Variants in MMP16 observed in about 807,000 individuals in gnomAD.
The protein encoded by MMP16 is matrix metallopeptidase 16, also known as matrix metalloproteinase-16.
In MMP16, 12 loss-of-function variants were observed where a neutral mutation model predicts 67.8. The ratio of observed to expected loss-of-function variants is 0.18; its 90% CI spans 0.11 to 0.29. The LOEUF (loss-of-function observed/expected upper bound fraction) is 0.29, where lower values mean the gene tolerates loss of function less well. MMP16 is among the 10% of genes least tolerant of loss of function. MMP16 has a pLI of 1.00. For missense variants in MMP16, 475 were observed against 765.7 expected, an observed-to-expected ratio of 0.62 and a Z score of 4.48; for synonymous variants, 249 against 255.9, an observed-to-expected ratio of 0.97 and a Z score of 0.26.
At chr8:88,216,746 T>A (rs1203240093) in intron 1 of MMP16, among the ~76,000 whole-genome samples, 1 of 152,138 alleles carries the variant, frequency 6.6e-6, no homozygotes, top group Non-Finnish European at 1.5e-5. Context: ...GCTGGATGCA[T>A]CTATCAGATG....
intron 6 of MMP16, among the ~76,000 whole-genome samples, chr8:88,113,849 C>A (rs182219218): frequency 2.6e-5 from 4 of 152,040 alleles, no homozygotes; most frequent in Non-Finnish European, 4.4e-5. Flanking sequence ...ATAGCCAGTG[C>A]CTAAAATAAT....
chr8:88,120,013 G>A (rs1807792081), intron 4 of MMP16, among the ~76,000 whole-genome samples: 1 of 151,930 alleles, frequency 6.6e-6, no homozygotes, highest in South Asian at 2.1e-4. Flanking sequence ...CTACTCTGGA[G>A]TAGTCTGTCA....
chr8:88,093,759 A>G (rs532495463), intron 6 of MMP16, among the ~76,000 whole-genome samples: 2 of 151,942 alleles, frequency 1.3e-5, no homozygotes, highest in Non-Finnish European at 2.9e-5. Flanking sequence ...TAGGTGAATT[A>G]CAAATGCTGA....
At chr8:88,062,788 C>T (rs1239422781) in intron 7 of MMP16, among the ~76,000 whole-genome samples, 2 of 151,898 alleles carry the variant, frequency 1.3e-5, no homozygotes, top group East Asian at 3.9e-4. Flanking sequence ...CACATGTACC[C>T]TACAACTTAA....
intron 1 of MMP16, among the ~76,000 whole-genome samples, chr8:88,221,189 C>A (rs1447290910): frequency 6.6e-6 from 1 of 152,066 alleles, no homozygotes; most frequent in African/African-American, 2.4e-5. Context: ...ATGCCCTGTC[C>A]TTTTTCTCAC....
intron 1 of MMP16, among the ~76,000 whole-genome samples, chr8:88,221,570 C>T (rs1246395957): frequency 6.6e-6 from 1 of 151,148 alleles, no homozygotes; most frequent in Non-Finnish European, 1.5e-5. Flanking sequence ...GAAGAGAATT[C>T]TACCAAAAAA....
intron 1 of MMP16, among the ~76,000 whole-genome samples, chr8:88,306,031 G>A (rs1811206639): frequency 6.7e-6 from 1 of 148,904 alleles, no homozygotes; most frequent in African/African-American, 2.5e-5. Context: ...TAATAAAATA[G>A]ACTACTAGGT....
At chr8:88,302,619 T>C (rs1314313345) in intron 1 of MMP16, among the ~76,000 whole-genome samples, 1 of 151,206 alleles carries the variant, frequency 6.6e-6, no homozygotes, top group Admixed American at 6.6e-5. Flanking sequence ...AGTAGGAAAA[T>C]AGGTATGCAT....
At position 88,036,557 on chromosome 8, in the gene MMP16, T is replaced by A. The variant is rs1378787894; in HGVS notation, c.*4904A>T. On this transcript the variant is annotated 3_prime_UTR_variant, in exon 10 of 10. Transcript: ENST00000286614. ...TTCTGATGTAGTTATGATTCCCTCCTAGGCAACGTGGAGCCTGTAACTTAA... is the reference window on the plus strand; with the variant it reads ...TTCTGATGTAGTTATGATTCCCTCCAAGGCAACGTGGAGCCTGTAACTTAA... 6.6e-6 allele frequency: 1 copy of A among 151,890 alleles called. No homozygotes were observed. The highest frequency in any genetic ancestry group is 1.5e-5 in the Non-Finnish European group (1 of 67,840). 9.4% of individuals were successfully genotyped at this position (151,890 alleles called of 1,614,324 possible).
chr8:88,207,238 G>A (rs1809443022), intron 1 of MMP16, among the ~76,000 whole-genome samples: 1 of 152,130 alleles, frequency 6.6e-6, no homozygotes, highest in Admixed American at 6.5e-5. Context: ...TGAGAGAAAT[G>A]TAAATAAACA....
intron 9 of MMP16, among the ~76,000 whole-genome samples, chr8:88,043,843 GA>G (rs1012733048): frequency 1.3e-5 from 2 of 152,200 alleles, no homozygotes; most frequent in African/African-American, 4.8e-5. Flanking sequence ...CTTGGATGAA[GA>G]AATGTTGAGG....
At chr8:88,243,290 A>G (rs1810059955) in intron 1 of MMP16, among the ~76,000 whole-genome samples, 1 of 152,176 alleles carries the variant, frequency 6.6e-6, no homozygotes, top group Admixed American at 6.5e-5. Flanking sequence ...CCTGCCTGGC[A>G]TGATTTAGGG....
intron 1 of MMP16, among the ~76,000 whole-genome samples, chr8:88,219,917 C>A (rs942451932): frequency 1.3e-5 from 2 of 149,240 alleles, no homozygotes; most frequent in African/African-American, 5.1e-5. Context: ...TTTTAAATTT[C>A]TTCTTATGAA....
At chr8:88,073,839 A>G (rs1407860867) in intron 7 of MMP16, among the ~76,000 whole-genome samples, 1 of 152,048 alleles carries the variant, frequency 6.6e-6, no homozygotes, top group Non-Finnish European at 1.5e-5. Flanking sequence ...CTCTTGGGTA[A>G]TATGTTCAAC....
chr8:88,320,914 A>G (rs564547366), intron 1 of MMP16, among the ~76,000 whole-genome samples: 1 of 152,264 alleles, frequency 6.6e-6, no homozygotes, highest in South Asian at 2.1e-4. Flanking sequence ...GTTGTGGTGA[A>G]ACACCAAGCA....
At chr8:88,191,003 A>C (rs1235914554) in intron 2 of MMP16, among the ~76,000 whole-genome samples, 1 of 152,218 alleles carries the variant, frequency 6.6e-6, no homozygotes, top group African/African-American at 2.4e-5. Flanking sequence ...GTAATTATCA[A>C]GGTGTAAATA....
chr8:88,256,740 C>T (rs974543909), intron 1 of MMP16, among the ~76,000 whole-genome samples: 4 of 151,828 alleles, frequency 2.6e-5, no homozygotes, highest in African/African-American at 9.7e-5. Context: ...CTACAGTACA[C>T]ACTTATAACT....
intron 1 of MMP16, among the ~76,000 whole-genome samples, chr8:88,269,876 T>C (rs1012455062): frequency 6.6e-6 from 1 of 152,244 alleles, no homozygotes; most frequent in Admixed American, 6.5e-5. Context: ...GTTTACTTCA[T>C]AAGCCATTCT....
At chr8:88,067,455 G>A (rs1228645956) in intron 7 of MMP16, among the ~76,000 whole-genome samples, 2 of 151,988 alleles carry the variant, frequency 1.3e-5, no homozygotes, top group African/African-American at 4.8e-5. Flanking sequence ...TGGTATAACT[G>A]ACATTCAATA....
Sources: gnomAD v4.1 joint callset for allele counts (sites outside exome capture counted in the v4.1 genomes callset) on GRCh38, gnomAD v4.1.1 for gene constraint, MANE v1.5 for transcripts, NCBI Gene and HGNC (gene_info 2026-07-23, HGNC 2026-07-21) for gene names.